The following COL9A1 variants were observed in gnomAD, a reference collection of about 807,000 sequenced individuals.
COL9A1 encodes the protein collagen alpha-1(IX) chain.
In COL9A1, 104 loss-of-function variants were observed where a neutral mutation model predicts 142.6. The observed-to-expected ratio is 0.73, with a 90% CI of 0.62 to 0.86. The LOEUF (loss-of-function observed/expected upper bound fraction) is 0.86, where lower values mean the gene tolerates loss of function less well. COL9A1 is among the 40% of genes least tolerant of loss of function. The pLI is 0.00. For synonymous variants in COL9A1, 466 were observed against 396.0 expected, an observed-to-expected ratio of 1.18 and a Z score of -2.10; for missense variants, 1,210 against 1,176.6, an observed-to-expected ratio of 1.03 and a Z score of -0.42.
At chr6:70,282,305 T>C (rs1342668155) in intron 7 of COL9A1, among the ~76,000 whole-genome samples, 1 of 152,240 alleles carries the variant, frequency 6.6e-6, no homozygotes. Context: ...GGGGTCTTTG[T>C]AAGTGAAACC....
chr6:70,217,234 A>T (rs1054552443), intron 37 of COL9A1, among the ~76,000 whole-genome samples, 153 bp from the exon 38 acceptor site: 1 of 152,184 alleles, frequency 6.6e-6, no homozygotes, highest in African/African-American at 2.4e-5. Context: ...GATGATGATG[A>T]TGATGATGAT....
intron 28 of COL9A1, among the ~76,000 whole-genome samples, chr6:70,250,009 C>T (rs2127573042): frequency 6.6e-6 from 1 of 152,226 alleles, no homozygotes; most frequent in African/African-American, 2.4e-5. Flanking sequence ...ACCTGTAATC[C>T]CAGCACTTTG....
At chr6:70,268,606 T>A (rs1169293104) in intron 17 of COL9A1, among the ~76,000 whole-genome samples, 198 bp downstream of exon 17, 3 of 152,182 alleles carry the variant, frequency 2.0e-5, no homozygotes, top group African/African-American at 7.2e-5. Flanking sequence ...TAGAAAGCCA[T>A]CCTATGATTA....
At position 70,230,285 on chromosome 6, in the gene COL9A1, C is replaced by A. The variant is rs567166275; in HGVS notation, c.2503+2298G>T. Among the ~76,000 whole-genome samples the A allele has an allele frequency of 1.2e-3, 190 of 152,212 alleles. 1 individual carries two copies. Among genetic ancestry groups the A allele is most frequent in the Non-Finnish European group, 1.7e-3 (116 of 68,008 alleles). On this transcript the variant is annotated intron_variant, in intron 36 of 37. Transcript: ENST00000357250. ...CCAGCTACCTAAAATCATACATTTC[C>A]AAAAGTATGACAGTGTTAATTGATT...
intron 35 of COL9A1, among the ~76,000 whole-genome samples, chr6:70,233,976 G>T (rs1375090882): frequency 1.3e-5 from 2 of 152,170 alleles, no homozygotes; most frequent in Non-Finnish European, 2.9e-5. Flanking sequence ...AATAACAATT[G>T]CCATAGCTAC....
chr6:70,280,923 G>C, intron 9 of COL9A1, 49 bp from the exon 10 acceptor site: 3 of 1,613,004 alleles, frequency 1.9e-6, no homozygotes, highest in Non-Finnish European at 2.5e-6. Context: ...AAGGTGCAAA[G>C]TTGAGACCCT....
intron 4 of COL9A1, among the ~76,000 whole-genome samples, chr6:70,299,300 C>T (rs1773965564): frequency 6.6e-6 from 1 of 151,754 alleles, no homozygotes; most frequent in South Asian, 2.1e-4. Context: ...CTATTGAAGT[C>T]CTAATTGTCT....
chr6:70,280,709 CTCTCTCTCTT>C lies in COL9A1; in HGVS notation c.975+93_975+102del. 5.0e-6 allele frequency: 7 copies of C among 1,410,928 alleles called. No homozygotes were observed. In the South Asian group the frequency reaches 7.5e-5, roughly 15 times the overall value. 87.4% of individuals were successfully genotyped at this position (1,410,928 alleles called of 1,614,324 possible). The stretch of plus-strand genomic sequence containing the variant: ...CAAGTTTAGAGCCACAGCGCGTTCT[CTCTCTCTCTT>C]TCTCTCTCTCCCTCCCCCCCCACAA... On this transcript the variant is annotated intron_variant, in intron 10 of 37. Transcript: ENST00000357250.
chr6:70,279,996 C>G, intron 10 of COL9A1: 3 of 696,712 alleles, frequency 4.3e-6, no homozygotes, highest in Non-Finnish European at 8.0e-6. Flanking sequence ...ATTCCAGGGA[C>G]AAAATCAAGG....
Position 70,294,498 on chromosome 6 carries a change from C to G in COL9A1, c.365G>C (p.Ser122Thr). ...AATGTTCCAGTTCTTTTTGAGAGTG[C>G]TTCCAGTCATTCGAAACGTCGTCAA... The part of the protein sequence containing the change: ...SFLTTFRMTG[S>T]TLKKNWNIWQ... The change falls in exon 5 of 38, where the codon AGC becomes ACC. Residue 122 changes from serine to threonine, a missense_variant. By Grantham distance (58) the Ser-to-Thr change is moderately conservative. Coordinates refer to ENST00000357250, the MANE Select transcript of COL9A1 (RefSeq NM_001851.6). 6.2e-7 allele frequency: 1 copy of G among 1,614,082 alleles called. No homozygotes were observed. Among genetic ancestry groups the G allele is most frequent in the Non-Finnish European group, 8.5e-7 (1 of 1,179,938 alleles).
In COL9A1 at chr6:70,217,078, T is replaced by G. The variant is rs202176764; in HGVS notation, c.2585A>C (p.Asp862Ala). The change falls in exon 38 of 38, where the codon GAC becomes GCC. Residue 862 changes from aspartate (D) to alanine (A), a missense_variant. Physicochemically the swap from Asp to Ala is moderately radical, Grantham distance 126. Transcript: ENST00000357250. ...GLPGAIGLPG[D>A]PGPASYGRNG... ...TCTGCCATAGCTGGCAGGGCCTGGG[T>G]CACCTGAAACACACAGAAGATTGCA... 2,409 of 1,613,932 alleles carry G rather than the reference T, an allele frequency of 1.5e-3. 6 individuals carry two copies. The highest frequency in any genetic ancestry group is 1.9e-3 in the Non-Finnish European group (2,240 of 1,179,984).
chr6:70,254,005 C>T lies in COL9A1; in HGVS notation c.1719+471G>A, dbSNP rs539817840. Among the ~76,000 whole-genome samples, 6 of 152,234 alleles carry T rather than the reference C, an allele frequency of 3.9e-5. No individual in the cohort carries two copies. In the East Asian group the frequency reaches 5.8e-4, roughly 15 times the overall value. On this transcript the variant is annotated intron_variant, in intron 25 of 37. Coordinates refer to ENST00000357250, the MANE Select transcript of COL9A1 (RefSeq NM_001851.6). ...TGCCTGCAAAAGAGCCAAGAATACA[C>T]GTGGTACAATCCACACGAACTTCCA...
chr6:70,302,890 T>G (rs1039204868), intron 1 of COL9A1, 21 bp downstream of exon 1: 1 of 1,613,750 alleles, frequency 6.2e-7, no homozygotes, highest in Non-Finnish European at 8.5e-7. Flanking sequence ...CCCACCACTC[T>G]TTCCAGGGTT....
Position 70,282,932 on chromosome 6 carries a change from G to A in COL9A1, c.781-14C>T. ...GGTCTGGCTGGGCTGGAGAAGAAAA[G>A]ATGGGGAGAAAGTGAGAAAAGCACC... On this transcript the variant is annotated splice_polypyrimidine_tract_variant and intron_variant, in intron 6 of 37. Coordinates refer to ENST00000357250, the MANE Select transcript of COL9A1 (RefSeq NM_001851.6). 6.2e-7 allele frequency: 1 copy of A among 1,614,224 alleles called. No individual in the cohort carries two copies. Among genetic ancestry groups the A allele is most frequent in the Non-Finnish European group, 8.5e-7 (1 of 1,180,032 alleles).
rs377576062 is a variant in COL9A1 at position 70,254,421 on chromosome 6, A to G, written c.1719+55T>C. On this transcript the variant is annotated intron_variant, in intron 25 of 37. Coordinates refer to ENST00000357250, the MANE Select transcript of COL9A1 (RefSeq NM_001851.6). Reference sequence around the variant, plus strand: ...GGTAGCATGTCTCTCCCCAAAATGTATATCTTTAAAACATGTATATAAACC... The same window carrying G: ...GGTAGCATGTCTCTCCCCAAAATGTGTATCTTTAAAACATGTATATAAACC... The G allele has an allele frequency of 2.5e-4, 383 of 1,528,152 alleles. 1 individual carries two copies. Among genetic ancestry groups the G allele is most frequent in the East Asian group, 9.2e-4 (41 of 44,384 alleles). 94.7% of individuals were successfully genotyped at this position (1,528,152 alleles called of 1,614,324 possible).
At chr6:70,283,327 A>G (rs1773295184) in intron 6 of COL9A1, 6 of 1,153,638 alleles carry the variant, frequency 5.2e-6, no homozygotes, top group Non-Finnish European at 7.1e-6. Context: ...GCCGCCGCAC[A>G]GGCGAGGACT....
At chr6:70,241,940 C>T in intron 30 of COL9A1, 24 bp downstream of exon 30, 2 of 1,568,724 alleles carry the variant, frequency 1.3e-6, no homozygotes, top group Non-Finnish European at 1.7e-6. Context: ...AATAAAGAAC[C>T]TTCTGGAGTG....
chr6:70,263,308 A>G lies in COL9A1; in HGVS notation c.1342-11T>C, dbSNP rs1771812961. Reference sequence around the variant, plus strand: ...GTCACCTTCTTCACCCTAAAGAAAAAAAAGAAAAAAGAAAAGCACACCAAA... The same window carrying G: ...GTCACCTTCTTCACCCTAAAGAAAAGAAAGAAAAAAGAAAAGCACACCAAA... On this transcript the variant is annotated splice_polypyrimidine_tract_variant and intron_variant, in intron 18 of 37. Transcript: ENST00000357250. 2 of 1,604,992 alleles carry G rather than the reference A, an allele frequency of 1.2e-6. No homozygotes were observed. The highest frequency in any genetic ancestry group is 1.7e-5 in the Admixed American group (1 of 59,638).
intron 28 of COL9A1, among the ~76,000 whole-genome samples, chr6:70,246,529 T>C (rs957044942): frequency 2.0e-5 from 3 of 152,040 alleles, no homozygotes; most frequent in African/African-American, 4.8e-5. Context: ...CCCAACCCCA[T>C]CTCCCCATTC....
Sources: allele counts gnomAD v4.1 joint callset (sites outside exome capture counted in the v4.1 genomes callset), GRCh38; gene constraint gnomAD v4.1.1; transcripts MANE v1.5; gene names NCBI Gene and HGNC (gene_info 2026-07-23, HGNC 2026-07-21).